Variants in FAM227B observed in about 807,000 individuals in gnomAD.
FAM227B encodes protein FAM227B.
A neutral mutation model predicts 73.8 loss-of-function variants in FAM227B; 88 were observed. The ratio of observed to expected loss-of-function variants is 1.19; its 90% CI spans 1.00 to 1.42. The LOEUF (loss-of-function observed/expected upper bound fraction) is 1.42. FAM227B is among the 40% of genes most tolerant of loss of function. The pLI, the probability that FAM227B is intolerant of heterozygous loss-of-function variation, is 0.00. For missense variants in FAM227B, 632 were observed against 590.9 expected, an observed-to-expected ratio of 1.07 and a Z score of -0.72; for synonymous variants, 210 against 190.5, an observed-to-expected ratio of 1.10 and a Z score of -0.84.
At chr15:49,487,777 A>G (rs546204510) in intron 11 of FAM227B, 3 of 152,092 alleles carry the variant, frequency 2.0e-5, no homozygotes, top group African/African-American at 7.2e-5. Context: ...TGATTTTTGC[A>G]TCTTACTCCA....
At chr15:49,583,528 CGTT>C (rs943727187) in intron 5 of FAM227B, among the ~76,000 whole-genome samples, 3 of 151,948 alleles carry the variant, frequency 2.0e-5, no homozygotes, top group Non-Finnish European at 2.9e-5. Flanking sequence ...ATAATCCACC[CGTT>C]GTTTAGCATA....
At chr15:49,607,258 A>G (rs2077580562) in intron 3 of FAM227B, among the ~76,000 whole-genome samples, 1 of 152,236 alleles carries the variant, frequency 6.6e-6, no homozygotes, top group African/African-American at 2.4e-5. Flanking sequence ...TCATTTTGAA[A>G]AAAAGAGTGC....
chr15:49,569,202 A>G (rs1204247808), intron 8 of FAM227B, among the ~76,000 whole-genome samples: 2 of 151,910 alleles, frequency 1.3e-5, no homozygotes, highest in African/African-American at 2.4e-5. Context: ...TTCAACCTCC[A>G]TAAAATTGAA....
At chr15:49,619,084 C>G (rs1423756258) in intron 1 of FAM227B, among the ~76,000 whole-genome samples, 2 of 151,908 alleles carry the variant, frequency 1.3e-5, no homozygotes, top group Non-Finnish European at 2.9e-5. Context: ...TAGAAGGCAG[C>G]AGAACCATTA....
chr15:49,537,791 TC>T (rs1423785507), intron 10 of FAM227B, among the ~76,000 whole-genome samples: 1 of 152,052 alleles, frequency 6.6e-6, no homozygotes, highest in Admixed American at 6.6e-5. Context: ...GAAGGAATAA[TC>T]CAGTGAAATA....
chr15:49,511,288 C>A (rs142524027), intron 10 of FAM227B, among the ~76,000 whole-genome samples: 1 of 151,672 alleles, frequency 6.6e-6, no homozygotes, highest in Non-Finnish European at 1.5e-5. Flanking sequence ...TGAAAATACA[C>A]ATTAAAGGCC....
Position 49,373,560 on chromosome 15 carries a change from TC to T in FAM227B, c.1013-2162del, listed in dbSNP as rs2045975748. Among the ~76,000 whole-genome samples the T allele has an allele frequency of 5.9e-5, 9 of 152,230 alleles. No individual in the cohort carries two copies. In the South Asian group the frequency reaches 1.9e-3, roughly 32 times the overall value. ...TATCTGATAAAACTATAATAAAATG[TC>T]TTAACTGTTCTTACTAAGTCTCCAG... On this transcript the variant is annotated intron_variant, in intron 11 of 15. Transcript: ENST00000299338.
rs908052522 is a variant in FAM227B, at chr15:49,327,888, A to C, written c.*680T>G. 6 of 1,510,824 alleles carry C rather than the reference A, an allele frequency of 4.0e-6. No individual in the cohort carries two copies. Among genetic ancestry groups the C allele is most frequent in the Non-Finnish European group, 5.4e-6 (6 of 1,110,540 alleles). 93.6% of individuals were successfully genotyped at this position (1,510,824 alleles called of 1,614,324 possible). A position where few individuals can be genotyped will look rare whatever the true frequency, so the allele number is the denominator to read the frequency against. On this transcript the variant is annotated 3_prime_UTR_variant, in exon 16 of 16. Coordinates refer to ENST00000299338, the MANE Select transcript of FAM227B (RefSeq NM_152647.3). ...CTTAGATAGGCTATGTGTTCTACAA[A>C]CACCAAGCAAATCCCTTGTATTTTC... is the stretch of plus-strand genomic sequence containing the variant.
At chr15:49,335,134 T>C (rs897218969) in intron 14 of FAM227B, among the ~76,000 whole-genome samples, 1 of 152,158 alleles carries the variant, frequency 6.6e-6, no homozygotes, top group Non-Finnish European at 1.5e-5. Context: ...TGGACGATAC[T>C]CCAGTCTCCA....
At chr15:49,392,422 A>G (rs2047275184) in intron 11 of FAM227B, among the ~76,000 whole-genome samples, 1 of 152,186 alleles carries the variant, frequency 6.6e-6, no homozygotes, top group African/African-American at 2.4e-5. Flanking sequence ...GATGCAAAAG[A>G]GACTGTGCAA....
intron 13 of FAM227B, among the ~76,000 whole-genome samples, chr15:49,362,782 A>C (rs1209635483): frequency 2.0e-5 from 3 of 152,038 alleles, no homozygotes; most frequent in African/African-American, 7.2e-5. Flanking sequence ...TCTTTCATCC[A>C]TCTTAAGTTG....
intron 11 of FAM227B, among the ~76,000 whole-genome samples, chr15:49,494,583 C>CT (rs796953020): frequency 3.9e-5 from 6 of 151,966 alleles, no homozygotes; most frequent in East Asian, 1.9e-4. Context: ...GTTGGAGGCT[C>CT]TTTTTTTTCC....
At chr15:49,397,819 G>T (rs2047806038) in intron 11 of FAM227B, among the ~76,000 whole-genome samples, 1 of 151,960 alleles carries the variant, frequency 6.6e-6, no homozygotes, top group African/African-American at 2.4e-5. Context: ...TCACCACCAG[G>T]CCTGCCCTAA....
chr15:49,331,357 T>G (rs2038714491), intron 15 of FAM227B: 1 of 154,222 alleles, frequency 6.5e-6, no homozygotes, highest in Admixed American at 6.5e-5. Context: ...TTTTCTTTCT[T>G]TCTCATACTT....
chr15:49,608,093 C>T (rs2077639648), intron 3 of FAM227B, among the ~76,000 whole-genome samples: 1 of 152,076 alleles, frequency 6.6e-6, no homozygotes, highest in Non-Finnish European at 1.5e-5. Flanking sequence ...CATCCAGAGT[C>T]TATGGTGATT....
At chr15:49,613,927 T>A (rs953492222) in intron 2 of FAM227B, among the ~76,000 whole-genome samples, 24 of 152,288 alleles carry the variant, frequency 1.6e-4, no homozygotes, top group African/African-American at 5.5e-4. Flanking sequence ...GCAAAAGGCT[T>A]ACAGACAGAA....
intron 11 of FAM227B, among the ~76,000 whole-genome samples, chr15:49,372,677 A>C (rs1318236291): frequency 6.6e-6 from 1 of 152,198 alleles, no homozygotes; most frequent in Non-Finnish European, 1.5e-5. Context: ...CAATCAGCCT[A>C]AAAGCAGAAG....
At chr15:49,331,609 G>C in intron 15 of FAM227B, 171 bp downstream of exon 15, 1 of 561,974 alleles carries the variant, frequency 1.8e-6, no homozygotes, top group East Asian at 2.9e-5. Flanking sequence ...CACTAAATAT[G>C]TAAAACAGAT....
intron 11 of FAM227B, among the ~76,000 whole-genome samples, chr15:49,383,060 T>G (rs1369681555): frequency 1.3e-5 from 2 of 152,086 alleles, no homozygotes; most frequent in Admixed American, 6.6e-5. Context: ...TTTGAGGTGT[T>G]CCATTCTTGT....
Sources: gnomAD v4.1 joint callset for allele counts (sites outside exome capture counted in the v4.1 genomes callset) on GRCh38, gnomAD v4.1.1 for gene constraint, MANE v1.5 for transcripts, NCBI Gene and HGNC (gene_info 2026-07-23, HGNC 2026-07-21) for gene names.